EPHA5: variants seen among roughly 807,000 people sequenced by gnomAD.
EPHA5 encodes ephrin type-A receptor 5.
EPHA5 carries 60 observed loss-of-function variants against 105.0 expected under a neutral mutation model. The observed-to-expected ratio is 0.57, with a 90% CI of 0.46 to 0.71. The LOEUF is 0.71. Ranked by LOEUF, EPHA5 falls within the 30% of genes least tolerant of loss-of-function variation. EPHA5 has a pLI of 0.00. For missense variants in EPHA5, 1,218 were observed against 1,274.7 expected, an observed-to-expected ratio of 0.96 and a Z score of 0.68; for synonymous variants, 513 against 449.1, an observed-to-expected ratio of 1.14 and a Z score of -1.80.
Position 65,620,932 on chromosome 4 carries a change from G to A in EPHA5, c.247-18628C>T, listed in dbSNP as rs941821885. Among the ~76,000 whole-genome samples the A allele has an allele frequency of 3.9e-4, 59 of 152,108 alleles. 2 individuals are homozygous for A. The highest frequency in any genetic ancestry group is 1.5e-5 in the Non-Finnish European group (1 of 67,996). On this transcript the variant is annotated intron_variant, in intron 2 of 16. Coordinates refer to ENST00000613740, the MANE Select transcript of EPHA5 (RefSeq NM_001281766.3). ...GGCCTTTCCTTCTCAGAGATAGGAG[G>A]AAAAGAAAGTGAGGACTGAACATTC...
intron 8 of EPHA5, among the ~76,000 whole-genome samples, chr4:65,392,941 T>C (rs1027116430): frequency 7.2e-5 from 11 of 152,166 alleles, no homozygotes; most frequent in African/African-American, 2.7e-4. Flanking sequence ...AGAGAGAAGA[T>C]ATTTACACAA....
At chr4:65,439,671 T>C (rs1438314976) in intron 5 of EPHA5, among the ~76,000 whole-genome samples, 1 of 152,172 alleles carries the variant, frequency 6.6e-6, no homozygotes, top group Non-Finnish European at 1.5e-5. Flanking sequence ...TTAATTTGTC[T>C]TCTTAGGAGT....
At chr4:65,589,155 A>G (rs1742397254) in intron 3 of EPHA5, among the ~76,000 whole-genome samples, 1 of 152,178 alleles carries the variant, frequency 6.6e-6, no homozygotes, top group South Asian at 2.1e-4. Flanking sequence ...ACTGAGAGCA[A>G]TAACCACTCA....
chr4:65,447,678 T>C (rs1264742578), intron 5 of EPHA5, among the ~76,000 whole-genome samples: 1 of 151,902 alleles, frequency 6.6e-6, no homozygotes, highest in Non-Finnish European at 1.5e-5. Flanking sequence ...AAATGTTAAA[T>C]TATTTACCAC....
At chr4:65,602,664 G>A (rs1293409405) in intron 2 of EPHA5, among the ~76,000 whole-genome samples, 3 of 151,912 alleles carry the variant, frequency 2.0e-5, no homozygotes, top group South Asian at 2.1e-4. Flanking sequence ...AGAAAAATAT[G>A]TATATTTTGA....
chr4:65,384,516 A>G (rs1719895439), intron 8 of EPHA5, among the ~76,000 whole-genome samples: 1 of 151,902 alleles, frequency 6.6e-6, no homozygotes. Flanking sequence ...GATTTTAGGT[A>G]GCCCATTTCC....
intron 2 of EPHA5, among the ~76,000 whole-genome samples, chr4:65,629,572 T>A (rs1746444906): frequency 6.6e-6 from 1 of 152,214 alleles, no homozygotes; most frequent in Admixed American, 6.5e-5. Context: ...TTCTCCAATT[T>A]TGGGGAATAA....
intron 8 of EPHA5, among the ~76,000 whole-genome samples, chr4:65,403,088 T>C (rs1420434557): frequency 3.9e-5 from 6 of 152,202 alleles, no homozygotes; most frequent in African/African-American, 7.2e-5. Flanking sequence ...AATTACTGCA[T>C]ATATTCTTAA....
At chr4:65,435,427 C>A (rs1175268211) in intron 5 of EPHA5, among the ~76,000 whole-genome samples, 4 of 152,126 alleles carry the variant, frequency 2.6e-5, no homozygotes, top group Non-Finnish European at 4.4e-5. Context: ...TCAAAGGATT[C>A]TTTTAAGTGT....
chr4:65,405,963 C>T lies in EPHA5; in HGVS notation c.1688-1484G>A, dbSNP rs1722317993. On this transcript the variant is annotated intron_variant, in intron 7 of 16. Coordinates refer to ENST00000613740, the MANE Select transcript of EPHA5 (RefSeq NM_001281766.3). Reference sequence around the variant, plus strand: ...AACCCATCCAGACTTCACTCAGAAACTCAATGTTACTTGAGTGAGCTGCAA... The same window carrying T: ...AACCCATCCAGACTTCACTCAGAAATTCAATGTTACTTGAGTGAGCTGCAA... Among the ~76,000 whole-genome samples, 5 of 152,080 alleles carry T rather than the reference C, an allele frequency of 3.3e-5. No homozygotes were observed. In the South Asian group the frequency reaches 1.0e-3, roughly 32 times the overall value.
At chr4:65,395,318 A>G (rs1721109760) in intron 8 of EPHA5, among the ~76,000 whole-genome samples, 1 of 152,224 alleles carries the variant, frequency 6.6e-6, no homozygotes, top group Non-Finnish European at 1.5e-5. Context: ...ACATTTATAG[A>G]AAGAACACTG....
chr4:65,470,404 C>T (rs1235548040), intron 5 of EPHA5, among the ~76,000 whole-genome samples: 1 of 152,074 alleles, frequency 6.6e-6, no homozygotes, highest in East Asian at 1.9e-4. Context: ...GTTGTCCAGG[C>T]TAGTCTGAAA....
chr4:65,640,234 A>G, intron 2 of EPHA5, among the ~76,000 whole-genome samples: 1 of 127,272 alleles, frequency 7.9e-6, no homozygotes, highest in East Asian at 2.4e-4. Flanking sequence ...TAAACTCTGT[A>G]TTTTTCAATG....
In EPHA5 at chr4:65,669,780, G is replaced by C. The variant is rs2149572770; in HGVS notation, c.-38C>G. 1.6e-6 allele frequency: 2 copies of C among 1,242,296 alleles called. No homozygotes were observed. Among genetic ancestry groups the C allele is most frequent in the Non-Finnish European group, 2.0e-6 (2 of 993,032 alleles). The allele number at this position is 1,242,296 out of a possible 1,614,324, so 77.0% of individuals were successfully genotyped here. A position where few individuals can be genotyped will look rare whatever the true frequency, so the allele number is the denominator to read the frequency against. On this transcript the variant is annotated 5_prime_UTR_variant, in exon 1 of 17. Transcript: ENST00000613740. ...TCCTCCGGTGCCGCTGTCCCGAGCG[G>C]CTCAGTCCACCGCTTCGGCCTCGCA...
At chr4:65,440,542 G>A (rs1207509344) in intron 5 of EPHA5, among the ~76,000 whole-genome samples, 1 of 90,322 alleles carries the variant, frequency 1.1e-5, no homozygotes, top group Non-Finnish European at 2.7e-5. Context: ...ACAGAGGGAG[G>A]AATTTTCTAA....
chr4:65,576,161 GAAAGT>G (rs1372990250), intron 3 of EPHA5, among the ~76,000 whole-genome samples: 1 of 141,962 alleles, frequency 7.0e-6, no homozygotes, highest in Non-Finnish European at 1.5e-5. Context: ...AAGAGAGAGA[GAAAGT>G]AAAGGAAGGA....
At chr4:65,488,667 A>G (rs1453082877) in intron 5 of EPHA5, among the ~76,000 whole-genome samples, 2 of 152,168 alleles carry the variant, frequency 1.3e-5, no homozygotes, top group Non-Finnish European at 2.9e-5. Flanking sequence ...AAAAATATAA[A>G]CGATTCACTG....
rs373414324 is a variant in EPHA5 at position 65,572,769 on chromosome 4, G to A, written c.910+28872C>T. Among the ~76,000 whole-genome samples the A allele has an allele frequency of 1.1e-3, 165 of 152,220 alleles. 4 individuals are homozygous for A. The South Asian group carries it at 0.033, about 31-fold the overall frequency. On this transcript the variant is annotated intron_variant, in intron 3 of 16. Coordinates refer to ENST00000613740, the MANE Select transcript of EPHA5 (RefSeq NM_001281766.3). ...TCACAAGCTGGGCGTGGTGGCTCAC[G>A]CCTATAATACCAGTCATTTGGGAGG...
intron 14 of EPHA5, among the ~76,000 whole-genome samples, chr4:65,338,915 G>A (rs1721438437): frequency 6.6e-6 from 1 of 151,988 alleles, no homozygotes; most frequent in African/African-American, 2.4e-5. Context: ...ATAACCAAAT[G>A]AGTTATAATC....
Sources: allele counts gnomAD v4.1 joint callset (sites outside exome capture counted in the v4.1 genomes callset), GRCh38; gene constraint gnomAD v4.1.1; transcripts MANE v1.5; gene names NCBI Gene and HGNC (gene_info 2026-07-23, HGNC 2026-07-21).